Variants in CHEK2 observed in about 807,000 individuals in gnomAD.
CHEK2 encodes checkpoint kinase 2.
Under a neutral mutation model 69.1 loss-of-function variants are expected in CHEK2, and 71 were observed. The observed-to-expected ratio is 1.03, with a 90% CI of 0.85 to 1.25. The LOEUF (loss-of-function observed/expected upper bound fraction) is 1.25. CHEK2 is among the 50% of genes most tolerant of loss of function. The probability of loss-of-function intolerance (pLI) is 0.00; values close to 1 mark genes in which losing one functional copy is unlikely to be tolerated. For synonymous variants in CHEK2, 189 were observed against 226.9 expected (o/e 0.83, Z 1.50); for missense variants, 664 against 649.6 (o/e 1.02, Z -0.24).
Position 28,728,201 on chromosome 22 carries a change from T to C in CHEK2, c.320-2834A>G, listed in dbSNP as rs551931836. ...ACAAGTTGGCAAACCTTAGACAGAC[T>C]GAACAAGAAAAAAAGAGACAAGACT... On this transcript the variant is annotated intron_variant, in intron 2 of 14. Coordinates refer to ENST00000404276, the MANE Select transcript of CHEK2 (RefSeq NM_007194.4). 3.3e-5 allele frequency: 5 copies of C among 151,976 alleles called. No homozygotes were observed. The East Asian group carries it at 9.7e-4, about 29-fold the overall frequency. 9.4% of individuals were successfully genotyped at this position (151,976 alleles called of 1,614,324 possible).
intron 7 of CHEK2, among the ~76,000 whole-genome samples, chr22:28,704,280 A>G (rs2053020345): frequency 6.6e-6 from 1 of 151,716 alleles, no homozygotes; most frequent in Non-Finnish European, 1.5e-5. Context: ...CTTCATACTT[A>G]GCACACCTAT....
intron 2 of CHEK2, among the ~76,000 whole-genome samples, chr22:28,732,524 G>A (rs2054250921): frequency 6.6e-6 from 1 of 152,162 alleles, no homozygotes; most frequent in Non-Finnish European, 1.5e-5. Flanking sequence ...TGGGATTACA[G>A]GCATGAGCCA....
rs767043399 is a variant in CHEK2 at position 28,689,195 on chromosome 22, C to A, written c.1482G>T (p.Lys494Asn). Residue 494 changes from lysine to asparagine, a missense_variant, in exon 14 of 15, where the codon AAG (lysine) becomes AAT (asparagine). Physicochemically the swap from Lys to Asn is moderately conservative, Grantham distance 94. Coordinates refer to ENST00000404276, the MANE Select transcript of CHEK2 (RefSeq NM_007194.4). ...PWLQDEDMKR[K>N]FQDLLSEENE... ...TTTCCTCAGACAGAAGATCTTGAAA[C>A]TTTCTCTTCATGTCTTCATCCTGTG... 3 of 1,592,004 alleles carry A rather than the reference C, an allele frequency of 1.9e-6. No homozygotes were observed. The highest frequency in any genetic ancestry group is 2.6e-6 in the Non-Finnish European group (3 of 1,175,980).
chr22:28,693,711 T>C (rs1479437371), intron 13 of CHEK2, among the ~76,000 whole-genome samples: 1 of 152,090 alleles, frequency 6.6e-6, no homozygotes, highest in African/African-American at 2.4e-5. Context: ...ATACAAAAAG[T>C]AGCTGGGCAT....
chr22:28,734,421 C>T lies in CHEK2; in HGVS notation c.301G>A (p.Asp101Asn), dbSNP rs786203283. 1 of 1,613,972 alleles carries T rather than the reference C, an allele frequency of 6.2e-7. No homozygotes were observed. The highest frequency in any genetic ancestry group is 8.5e-7 in the Non-Finnish European group (1 of 1,179,910). ...APWARLWALQ[D>N]GFANLECVND... ...GTCTTACCAAGATTGGCAAATCCAT[C>T]CTGAAGGGCCCATAATCGAGCCCAG... is the stretch of plus-strand genomic sequence containing the variant. The change falls in exon 2 of 15, where the codon GAT (aspartate) becomes AAT (asparagine). Residue 101 changes from aspartate to asparagine, a missense_variant. Transcript: ENST00000404276.
At chr22:28,703,625 A>G (rs963053726) in intron 7 of CHEK2, 59 bp from the exon 8 acceptor site, 4 of 1,062,532 alleles carry the variant, frequency 3.8e-6, no homozygotes, top group Non-Finnish European at 5.7e-6. Flanking sequence ...GGAAAACCAC[A>G]AGAGCTTAGA....
At chr22:28,723,058 G>A (rs1206499811) in intron 4 of CHEK2, among the ~76,000 whole-genome samples, 3 of 152,036 alleles carry the variant, frequency 2.0e-5, no homozygotes, top group East Asian at 1.9e-4. Context: ...GTCTAATCAC[G>A]CTGAGCTACT....
intron 14 of CHEK2, among the ~76,000 whole-genome samples, chr22:28,688,648 G>A (rs1174493478): frequency 6.6e-6 from 1 of 151,566 alleles, no homozygotes; most frequent in Non-Finnish European, 1.5e-5. Flanking sequence ...CGGCCTGAGT[G>A]ACAAACCAAG....
At chr22:28,727,675 C>T (rs765971459) in intron 2 of CHEK2, among the ~76,000 whole-genome samples, 10 of 152,006 alleles carry the variant, frequency 6.6e-5, no homozygotes, top group Non-Finnish European at 1.5e-4. Flanking sequence ...GCTAAACAGT[C>T]CAGTAGAAAA....
chr22:28,722,102 C>T (rs1475825988), intron 4 of CHEK2, among the ~76,000 whole-genome samples: 1 of 151,820 alleles, frequency 6.6e-6, no homozygotes, highest in Non-Finnish European at 1.5e-5. Context: ...AAGAAAAGTG[C>T]CCTTTGAGTA....
At chr22:28,718,921 C>CAG (rs1031107394) in intron 5 of CHEK2, among the ~76,000 whole-genome samples, 9 of 131,720 alleles carry the variant, frequency 6.8e-5, no homozygotes, top group African/African-American at 1.8e-4. Context: ...CACACACACA[C>CAG]AGGAAATAAA....
intron 2 of CHEK2, among the ~76,000 whole-genome samples, chr22:28,726,072 C>T (rs541190636): frequency 1.3e-5 from 2 of 151,830 alleles, no homozygotes; most frequent in African/African-American, 2.4e-5. Context: ...GGCGTGGTGG[C>T]GGGTGCCTGT....
chr22:28,713,886 G>A (rs1456948138), intron 5 of CHEK2, among the ~76,000 whole-genome samples: 1 of 150,508 alleles, frequency 6.6e-6, no homozygotes, highest in Non-Finnish European at 1.5e-5. Context: ...TCACCATGTT[G>A]GGCAGGCTGG....
chr22:28,732,630 A>ATTG lies in CHEK2; in HGVS notation c.319+1772_319+1773insCAA, dbSNP rs556541526. ...AGTTGTATATGTGGAATGCAGGTAT[A>ATTG]TTCCTCCATTTTTTATAGTTTTTTC... On this transcript the variant is annotated intron_variant, in intron 2 of 14. Transcript: ENST00000404276. Among the ~76,000 whole-genome samples, 1,135 of 152,320 alleles carry ATTG rather than the reference A, an allele frequency of 7.5e-3. 16 individuals are homozygous for ATTG. Among genetic ancestry groups the ATTG allele is most frequent in the African/African-American group, 0.026 (1,094 of 41,574 alleles).
At chr22:28,724,883 CACTT>C (rs2053930595) in intron 4 of CHEK2, 90 bp downstream of exon 4, 2 of 1,332,436 alleles carry the variant, frequency 1.5e-6, no homozygotes, top group African/African-American at 1.4e-5. Context: ...CATCTTTACT[CACTT>C]AAACCATATT....
At chr22:28,690,852 G>A (rs1341951894) in intron 13 of CHEK2, among the ~76,000 whole-genome samples, 1 of 138,544 alleles carries the variant, frequency 7.2e-6, no homozygotes, top group Non-Finnish European at 1.5e-5. Flanking sequence ...AGAAGGGAGG[G>A]GAAAGGAATG....
At chr22:28,730,223 A>T (rs2054156622) in intron 2 of CHEK2, among the ~76,000 whole-genome samples, 9 of 108,568 alleles carry the variant, frequency 8.3e-5, no homozygotes, top group Non-Finnish European at 9.3e-5. Context: ...AGAAGAGGAG[A>T]GAGAAGAGGA....
At chr22:28,718,565 T>C (rs2145997696) in intron 5 of CHEK2, among the ~76,000 whole-genome samples, 1 of 152,308 alleles carries the variant, frequency 6.6e-6, no homozygotes, top group Middle Eastern at 3.4e-3. Flanking sequence ...AAAGTAAATG[T>C]GGTGTATATA....
At chr22:28,711,719 A>G (rs2053397720) in intron 6 of CHEK2, among the ~76,000 whole-genome samples, 190 bp downstream of exon 6, 1 of 152,172 alleles carries the variant, frequency 6.6e-6, no homozygotes, top group African/African-American at 2.4e-5. Flanking sequence ...TTGGAACCAA[A>G]TTATCTATAA....
Sources: gnomAD v4.1 joint callset for allele counts (sites outside exome capture counted in the v4.1 genomes callset) on GRCh38, gnomAD v4.1.1 for gene constraint, MANE v1.5 for transcripts, NCBI Gene and HGNC (gene_info 2026-07-23, HGNC 2026-07-21) for gene names.